The following FNIP2 variants were observed in gnomAD, a reference collection of about 807,000 sequenced individuals.
The protein encoded by FNIP2 is folliculin-interacting protein 2.
Under a neutral mutation model 108.7 loss-of-function variants are expected in FNIP2, and 32 were observed. That is an observed-to-expected ratio of 0.29 (90% CI 0.22 to 0.40). FNIP2 has a LOEUF of 0.40. Ranked by LOEUF, FNIP2 falls within the 10% of genes least tolerant of loss-of-function variation. The probability of loss-of-function intolerance (pLI) is 1.00; values close to 1 mark genes in which losing one functional copy is unlikely to be tolerated. For missense variants in FNIP2, 1,202 were observed against 1,381.6 expected, an observed-to-expected ratio of 0.87 and a Z score of 2.06; for synonymous variants, 480 against 496.7, an observed-to-expected ratio of 0.97 and a Z score of 0.45.
At chr4:158,887,025 T>A (rs77604610) in intron 14 of FNIP2, among the ~76,000 whole-genome samples, 1 of 152,272 alleles carries the variant, frequency 6.6e-6, no homozygotes, top group Non-Finnish European at 1.5e-5. Context: ...TTCCTTAAGG[T>A]GTATGGGAGG....
chr4:158,871,435 A>G (rs1203456809), intron 14 of FNIP2: 3 of 985,240 alleles, frequency 3.0e-6, no homozygotes, highest in Non-Finnish European at 3.6e-6. Context: ...AACAAAAGGC[A>G]TTGCATGTTA....
At chr4:158,799,669 C>T (rs1310171359) in intron 1 of FNIP2, among the ~76,000 whole-genome samples, 2 of 152,172 alleles carry the variant, frequency 1.3e-5, no homozygotes, top group Non-Finnish European at 2.9e-5. Flanking sequence ...CTAGGGACAA[C>T]CTGGCTCAAA....
intron 1 of FNIP2, among the ~76,000 whole-genome samples, chr4:158,815,384 CTTT>C (rs58702187): frequency 7.3e-6 from 1 of 137,436 alleles, no homozygotes. Flanking sequence ...AGTAATCCAG[CTTT>C]TTTTTTTTTT....
intron 1 of FNIP2, among the ~76,000 whole-genome samples, chr4:158,773,268 A>G (rs1045238473): frequency 3.3e-5 from 5 of 152,188 alleles, no homozygotes; most frequent in African/African-American, 1.2e-4. Flanking sequence ...CACTCCTTAC[A>G]TCATATCTCC....
rs1404167920 is a variant in FNIP2, at chr4:158,829,305, C to T, written c.381+80C>T. ...ATTTCTCCTTGGGAAATAATGCCTG[C>T]TCGAGGGCTCTACTCCAGGAATATG... On this transcript the variant is annotated intron_variant, in intron 3 of 16. Coordinates refer to ENST00000264433, the MANE Select transcript of FNIP2 (RefSeq NM_020840.3). 11 of 1,242,660 alleles carry T rather than the reference C, an allele frequency of 8.9e-6. No homozygotes were observed. The South Asian group carries it at 9.7e-5, about 11-fold the overall frequency. 77.0% of individuals were successfully genotyped at this position (1,242,660 alleles called of 1,614,324 possible). A position where few individuals can be genotyped will look rare whatever the true frequency, so the allele number is the denominator to read the frequency against.
chr4:158,771,611 A>T (rs560836317), intron 1 of FNIP2, among the ~76,000 whole-genome samples: 4 of 152,354 alleles, frequency 2.6e-5, no homozygotes, highest in Non-Finnish European at 5.9e-5. Flanking sequence ...AAAATCGAGT[A>T]TTCCTAACAT....
intron 1 of FNIP2, among the ~76,000 whole-genome samples, chr4:158,812,894 TTCCC>T (rs1022058989): frequency 6.6e-6 from 1 of 151,608 alleles, no homozygotes; most frequent in Non-Finnish European, 1.5e-5. Context: ...CTATTCATCC[TTCCC>T]TCCCTCTCTA....
chr4:158,869,123 G>A lies in FNIP2; in HGVS notation c.2487G>A (p.Thr829=), dbSNP rs1178705101. 9.3e-6 allele frequency: 15 copies of A among 1,614,022 alleles called. No homozygotes were observed. Among genetic ancestry groups the A allele is most frequent in the African/African-American group, 1.3e-5 (1 of 75,040 alleles). ...LGTASHGAGG[T]GGRRLEATRG... is the part of the protein sequence containing the mutation. ...CAGCCTCCCACGGTGCAGGAGGAAC[G>A]GGAGGGAGGAGGCTGGAGGCCACTA... Residue 829 remains threonine (T), a synonymous_variant, in exon 13 of 17, where the codon ACG becomes ACA. Transcript: ENST00000264433.
intron 8 of FNIP2, among the ~76,000 whole-genome samples, chr4:158,855,399 A>C (rs1779928359): frequency 6.6e-6 from 1 of 152,142 alleles, no homozygotes; most frequent in Non-Finnish European, 1.5e-5. Context: ...ACTGCTGAAC[A>C]CCGAGAACAT....
intron 12 of FNIP2, among the ~76,000 whole-genome samples, chr4:158,861,978 T>C (rs1014053224): frequency 1.3e-5 from 2 of 152,192 alleles, no homozygotes; most frequent in African/African-American, 4.8e-5. Flanking sequence ...AGCTTTGTGC[T>C]ACACTCTTAA....
At chr4:158,809,635 T>A (rs1777165082) in intron 1 of FNIP2, among the ~76,000 whole-genome samples, 1 of 152,250 alleles carries the variant, frequency 6.6e-6, no homozygotes, top group African/African-American at 2.4e-5. Flanking sequence ...GCTGTTTATA[T>A]GAGAAATCTG....
At chr4:158,852,419 G>A (rs1176030940) in intron 8 of FNIP2, among the ~76,000 whole-genome samples, 2 of 152,204 alleles carry the variant, frequency 1.3e-5, no homozygotes, top group African/African-American at 2.4e-5. Context: ...CCATCAAGAA[G>A]CTGCTTTTTG....
chr4:158,843,161 T>C (rs1666030905), intron 7 of FNIP2, among the ~76,000 whole-genome samples: 1 of 152,138 alleles, frequency 6.6e-6, no homozygotes. Context: ...GTCAAACATA[T>C]ATAAAAAGTG....
intron 8 of FNIP2, among the ~76,000 whole-genome samples, chr4:158,854,593 G>GA (rs1376913492): frequency 3.9e-5 from 6 of 152,226 alleles, no homozygotes; most frequent in Non-Finnish European, 8.8e-5. Context: ...TAACAAGAGA[G>GA]AAACATAACA....
intron 7 of FNIP2, chr4:158,835,681 C>T (rs1778758455): frequency 5.5e-6 from 2 of 362,148 alleles, no homozygotes; most frequent in East Asian, 4.9e-5. Context: ...TTTTTTCTAA[C>T]ACTCAAATTT....
At chr4:158,834,288 T>TTCTCTCTCTTTCTCTCTCTC (rs1778654300) in intron 6 of FNIP2, 1 of 63,220 alleles carries the variant, frequency 1.6e-5, no homozygotes, top group East Asian at 5.2e-4. Flanking sequence ...CATGGAAGAC[T>TTCTCTCTCTTTCTCTCTCTC]TCTCTCTCTC....
At chr4:158,833,885 T>G in intron 6 of FNIP2, 1 of 1,421,564 alleles carries the variant, frequency 7.0e-7, no homozygotes, top group Non-Finnish European at 9.2e-7. Context: ...GCTTCTTTCT[T>G]TGCAGGTTTG....
intron 14 of FNIP2, among the ~76,000 whole-genome samples, chr4:158,880,710 T>C (rs184956875): frequency 6.6e-6 from 1 of 152,316 alleles, no homozygotes; most frequent in Admixed American, 6.5e-5. Context: ...TTTTGGTTTG[T>C]TTTTATTTTT....
intron 14 of FNIP2, among the ~76,000 whole-genome samples, chr4:158,871,015 G>A (rs1453520636): frequency 4.6e-5 from 7 of 152,238 alleles, no homozygotes; most frequent in African/African-American, 1.2e-4. Context: ...ATGCCGTCAC[G>A]GTGAGGACCG....
Sources: allele counts gnomAD v4.1 joint callset (sites outside exome capture counted in the v4.1 genomes callset), GRCh38; gene constraint gnomAD v4.1.1; transcripts MANE v1.5; gene names NCBI Gene and HGNC (gene_info 2026-07-23, HGNC 2026-07-21).